TMEFF2: variants seen among roughly 807,000 people sequenced by gnomAD.
TMEFF2 encodes tomoregulin-2.
In TMEFF2, 28 loss-of-function variants were observed where a neutral mutation model predicts 53.8. That is an observed-to-expected ratio of 0.52 (90% CI 0.39 to 0.71). TMEFF2 has a LOEUF of 0.71. Ranked by LOEUF, TMEFF2 falls within the 30% of genes least tolerant of loss-of-function variation. The pLI, the probability that TMEFF2 is intolerant of heterozygous loss-of-function variation, is 0.00. For missense variants in TMEFF2, 353 were observed against 455.2 expected (o/e 0.78, Z 2.04); for synonymous variants, 162 against 166.3 (o/e 0.97, Z 0.20).
chr2:192,071,237 G>A (rs997637369), intron 4 of TMEFF2, among the ~76,000 whole-genome samples: 22 of 151,912 alleles, frequency 1.4e-4, no homozygotes, highest in African/African-American at 5.1e-4. Context: ...ACAATATGCA[G>A]AGCCAGCTGC....
intron 4 of TMEFF2, among the ~76,000 whole-genome samples, chr2:192,145,359 A>G (rs750449438): frequency 6.6e-6 from 1 of 151,984 alleles, no homozygotes; most frequent in Admixed American, 6.6e-5. Context: ...TTCTTTTTAC[A>G]GTAAAATGCT....
chr2:192,047,499 G>A (rs1687652612), intron 5 of TMEFF2, among the ~76,000 whole-genome samples: 1 of 152,128 alleles, frequency 6.6e-6, no homozygotes, highest in Non-Finnish European at 1.5e-5. Flanking sequence ...TTGAAAGGCT[G>A]CAATAAATAA....
chr2:191,982,412 G>C (rs968147288), intron 7 of TMEFF2, among the ~76,000 whole-genome samples: 8 of 150,280 alleles, frequency 5.3e-5, no homozygotes, highest in Non-Finnish European at 8.9e-5. Context: ...TTAAATCTCA[G>C]TTCTGAGATT....
chr2:192,080,490 C>A (rs760620511), intron 4 of TMEFF2, among the ~76,000 whole-genome samples: 50 of 152,118 alleles, frequency 3.3e-4, no homozygotes, highest in Non-Finnish European at 6.3e-4. Flanking sequence ...AACTGTGAGT[C>A]AATTAAACAT....
chr2:192,159,082 A>G (rs1480285195), intron 4 of TMEFF2, among the ~76,000 whole-genome samples: 1 of 152,158 alleles, frequency 6.6e-6, no homozygotes, highest in Non-Finnish European at 1.5e-5. Context: ...TATAAAGATT[A>G]TTTTGTAACC....
At chr2:192,069,411 T>C (rs1213107612) in intron 4 of TMEFF2, among the ~76,000 whole-genome samples, 2 of 151,264 alleles carry the variant, frequency 1.3e-5, no homozygotes, top group East Asian at 1.9e-4. Flanking sequence ...AAAAAATAGA[T>C]AACAAGAAGA....
At chr2:192,095,445 G>A (rs1574368004) in intron 4 of TMEFF2, among the ~76,000 whole-genome samples, 2 of 152,206 alleles carry the variant, frequency 1.3e-5, no homozygotes, top group South Asian at 2.1e-4. Flanking sequence ...GGGCAACAAA[G>A]CAAGGCCCTC....
chr2:192,122,248 A>G lies in TMEFF2; in HGVS notation c.439+57420T>C, dbSNP rs976941672. Among the ~76,000 whole-genome samples the G allele has an allele frequency of 6.6e-5, 10 of 152,168 alleles. 1 individual carries two copies. Among genetic ancestry groups the G allele is most frequent in the African/African-American group, 2.2e-4 (9 of 41,442 alleles). On this transcript the variant is annotated intron_variant, in intron 4 of 9. Transcript: ENST00000272771. ...CAACCCCTCTATTCACCAGTGAAAA[A>G]GCAAAAACAGAATTTGATTTTCTTA... is the stretch of plus-strand genomic sequence containing the variant.
intron 4 of TMEFF2, among the ~76,000 whole-genome samples, chr2:192,089,701 C>G (rs1688746561): frequency 6.6e-6 from 1 of 152,108 alleles, no homozygotes; most frequent in Non-Finnish European, 1.5e-5. Flanking sequence ...AGGCTTCAGA[C>G]CAAGTTATTC....
chr2:192,097,459 T>C (rs1394528853), intron 4 of TMEFF2, among the ~76,000 whole-genome samples: 1 of 152,236 alleles, frequency 6.6e-6, no homozygotes, highest in Admixed American at 6.5e-5. Context: ...TCTGTCAATT[T>C]AGACAATAAT....
rs1691548369 is a variant in TMEFF2 at position 192,194,306 on chromosome 2, GTTC to G, written c.172+44_172+46del. 1 of 1,606,044 alleles carries G rather than the reference GTTC, an allele frequency of 6.2e-7. No homozygotes were observed. Among genetic ancestry groups the G allele is most frequent in the Non-Finnish European group, 8.5e-7 (1 of 1,174,658 alleles). On this transcript the variant is annotated intron_variant, in intron 1 of 9. Transcript: ENST00000272771. The surrounding 1 kb of genome is among the most constrained non-coding windows in gnomAD (Gnocchi z 4.2). The stretch of plus-strand genomic sequence containing the variant: ...AGGCTGGTCTGTGCTGGATACGCGT[GTTC>G]TTCTGCGGAGTTAAAGGGTCGGGGA...
chr2:192,106,345 C>T (rs957968914), intron 4 of TMEFF2, among the ~76,000 whole-genome samples: 13 of 151,658 alleles, frequency 8.6e-5, no homozygotes, highest in African/African-American at 3.1e-4. Flanking sequence ...AAACTTGGTA[C>T]ATATGGGAGT....
At chr2:192,191,518 A>C (rs1559165920) in intron 2 of TMEFF2, among the ~76,000 whole-genome samples, 1 of 152,158 alleles carries the variant, frequency 6.6e-6, no homozygotes, top group African/African-American at 2.4e-5. Flanking sequence ...GATAGCCCCA[A>C]TCAAAAAGAA....
intron 7 of TMEFF2, among the ~76,000 whole-genome samples, chr2:191,974,268 TTG>T (rs1419946920): frequency 6.7e-6 from 1 of 150,046 alleles, no homozygotes; most frequent in Non-Finnish European, 1.5e-5. Flanking sequence ...AGAATTTTTT[TTG>T]TGTGTGTGTG....
chr2:192,193,736 TGAGA>T (rs201001713), intron 1 of TMEFF2, among the ~76,000 whole-genome samples: 126 of 119,376 alleles, frequency 1.1e-3, no homozygotes, highest in Non-Finnish European at 1.4e-3. Flanking sequence ...GAGAAGGGAA[TGAGA>T]GAGAGAGAGA....
At chr2:192,076,026 G>T (rs1039379772) in intron 4 of TMEFF2, among the ~76,000 whole-genome samples, 2 of 151,906 alleles carry the variant, frequency 1.3e-5, no homozygotes, top group African/African-American at 4.8e-5. Context: ...CTACCTCTGT[G>T]GTCTCTCTGT....
intron 4 of TMEFF2, among the ~76,000 whole-genome samples, chr2:192,166,596 TTAAGTACCTC>T (rs1690774267): frequency 1.3e-5 from 2 of 152,118 alleles, no homozygotes; most frequent in Non-Finnish European, 2.9e-5. Flanking sequence ...GCTTAAGGCT[TTAAGTACCTC>T]TAGTCTAAGG....
intron 4 of TMEFF2, among the ~76,000 whole-genome samples, chr2:192,093,828 AAAAAG>A (rs765137227): frequency 2.0e-5 from 3 of 151,960 alleles, no homozygotes; most frequent in Non-Finnish European, 4.4e-5. Context: ...TTCTTAAAAA[AAAAAG>A]AAAAAGAAGA....
intron 4 of TMEFF2, among the ~76,000 whole-genome samples, chr2:192,176,257 A>AT (rs969678553): frequency 2.7e-5 from 4 of 150,806 alleles, no homozygotes; most frequent in East Asian, 1.9e-4. Flanking sequence ...TTTATCTTGA[A>AT]TTTTTTTTTG....
Sources: allele counts gnomAD v4.1 joint callset (sites outside exome capture counted in the v4.1 genomes callset), GRCh38; gene constraint gnomAD v4.1.1; non-coding constraint Gnocchi (gnomAD v3.1); transcripts MANE v1.5; gene names NCBI Gene and HGNC (gene_info 2026-07-23, HGNC 2026-07-21).